ASTN2: variants seen among roughly 807,000 people sequenced by gnomAD.
ASTN2 encodes the protein astrotactin 2, also known as astrotactin-2.
A neutral mutation model predicts 139.8 loss-of-function variants in ASTN2; 54 were observed. That is an observed-to-expected ratio of 0.39 (90% CI 0.31 to 0.48). The LOEUF is 0.48. ASTN2 is among the 20% of genes least tolerant of loss of function. The pLI, the probability that ASTN2 is intolerant of heterozygous loss-of-function variation, is 0.95. For missense variants in ASTN2, 1,565 were observed against 1,725.1 expected, an observed-to-expected ratio of 0.91 and a Z score of 1.64; for synonymous variants, 756 against 719.5, an observed-to-expected ratio of 1.05 and a Z score of -0.81.
At chr9:116,591,094 T>A (rs140022200) in intron 19 of ASTN2, among the ~76,000 whole-genome samples, 1 of 152,036 alleles carries the variant, frequency 6.6e-6, no homozygotes, top group African/African-American at 2.4e-5. Flanking sequence ...ACAAACAGGG[T>A]TGAAAGACAC....
At chr9:116,700,287 C>T (rs932295071) in intron 16 of ASTN2, 1 of 169,560 alleles carries the variant, frequency 5.9e-6, no homozygotes, top group African/African-American at 2.4e-5. Context: ...ATACACAAGC[C>T]CTTTAGGAAG....
At position 116,529,825 on chromosome 9, in the gene ASTN2, C is replaced by T. The variant is rs35053667; in HGVS notation, c.3356-42325G>A. Reference sequence around the variant, plus strand: ...TGTAAGACATGTCCTGCTTCCCCTTCAACTTCCACCATGTTTGTAAGTTTC... The same window carrying T: ...TGTAAGACATGTCCTGCTTCCCCTTTAACTTCCACCATGTTTGTAAGTTTC... On this transcript the variant is annotated intron_variant, in intron 19 of 22. Transcript: ENST00000313400. Among the ~76,000 whole-genome samples the T allele has an allele frequency of 5.3e-3, 807 of 152,162 alleles. 2 individuals carry two copies. Among genetic ancestry groups the T allele is most frequent in the Non-Finnish European group, 9.5e-3 (643 of 68,008 alleles).
chr9:116,678,634 G>T (rs1859647883), intron 16 of ASTN2, among the ~76,000 whole-genome samples: 1 of 152,148 alleles, frequency 6.6e-6, no homozygotes, highest in Non-Finnish European at 1.5e-5. Flanking sequence ...CTTATAAAGG[G>T]TTGATCTTGT....
intron 9 of ASTN2, 41 bp from the exon 10 acceptor site, chr9:116,975,386 C>T (rs1836315923): frequency 1.3e-6 from 2 of 1,539,934 alleles, no homozygotes; most frequent in Non-Finnish European, 1.7e-6. Context: ...CCCTGGGAAG[C>T]AGAGAGCAAA....
intron 1 of ASTN2, among the ~76,000 whole-genome samples, chr9:117,366,258 C>T (rs1829841277): frequency 6.6e-6 from 1 of 152,080 alleles, no homozygotes; most frequent in Non-Finnish European, 1.5e-5. Flanking sequence ...ATGGCAATGA[C>T]AAGCTGACAA....
chr9:116,976,284 C>A, intron 8 of ASTN2, 96 bp from the exon 9 acceptor site: 2 of 933,120 alleles, frequency 2.1e-6, no homozygotes, highest in South Asian at 1.4e-5. Context: ...TACAAACAAC[C>A]AAACTCTGCA....
chr9:116,430,193 C>T (rs951277142), intron 22 of ASTN2, among the ~76,000 whole-genome samples: 1 of 152,154 alleles, frequency 6.6e-6, no homozygotes, highest in African/African-American at 2.4e-5. Context: ...TTCCAACATG[C>T]CCAAATGCCC....
intron 20 of ASTN2, among the ~76,000 whole-genome samples, chr9:116,472,928 GA>G (rs71377245): frequency 2.5e-3 from 330 of 130,794 alleles, no homozygotes; most frequent in African/African-American, 8.6e-3. Context: ...CTCTGTCTTG[GA>G]AAAAAAAAAA....
rs73519264 is a variant in ASTN2, at chr9:117,267,912, G to A, written c.630+23414C>T. ...GAAGTCCTGCTCCTGCAACTCCTCC[G>A]AACCTCCAGCCAGAGCAGACCCACT... On this transcript the variant is annotated intron_variant, in intron 2 of 22. Coordinates refer to ENST00000313400, the MANE Select transcript of ASTN2 (RefSeq NM_001365068.1). Among the ~76,000 whole-genome samples the A allele has an allele frequency of 2.7e-3, 415 of 152,288 alleles. 4 individuals carry two copies. Among genetic ancestry groups the A allele is most frequent in the African/African-American group, 9.5e-3 (395 of 41,554 alleles).
chr9:116,427,235 G>A (rs777666643), intron 22 of ASTN2, among the ~76,000 whole-genome samples: 23 of 152,074 alleles, frequency 1.5e-4, no homozygotes, highest in Admixed American at 3.9e-4. Context: ...CCCTTGCCCC[G>A]GTCGTGAAGT....
At chr9:117,371,144 T>C (rs1449618622) in intron 1 of ASTN2, among the ~76,000 whole-genome samples, 2 of 152,038 alleles carry the variant, frequency 1.3e-5, no homozygotes, top group African/African-American at 4.8e-5. Flanking sequence ...TGGATGTCCC[T>C]ACATTATCAA....
chr9:116,884,347 G>C (rs370049810), intron 10 of ASTN2, among the ~76,000 whole-genome samples: 1 of 152,142 alleles, frequency 6.6e-6, no homozygotes, highest in African/African-American at 2.4e-5. Context: ...GTGATAGTTT[G>C]TTAGGGCTGC....
At chr9:117,200,255 C>G (rs552405160) in intron 3 of ASTN2, among the ~76,000 whole-genome samples, 1 of 147,982 alleles carries the variant, frequency 6.8e-6, no homozygotes, top group Non-Finnish European at 1.5e-5. Context: ...CAACAGTCCC[C>G]GGTGTGTGAT....
intron 5 of ASTN2, among the ~76,000 whole-genome samples, chr9:117,052,430 A>G (rs978688874): frequency 3.4e-5 from 3 of 88,766 alleles, no homozygotes; most frequent in African/African-American, 1.5e-4. Context: ...GAGAGACTCC[A>G]TCTTAAAAAA....
chr9:116,450,462 C>T (rs1317388603), intron 20 of ASTN2, among the ~76,000 whole-genome samples: 1 of 152,174 alleles, frequency 6.6e-6, no homozygotes, highest in Non-Finnish European at 1.5e-5. Context: ...TCCAAGGTCA[C>T]ACAGCTCTCT....
At chr9:116,823,291 G>A (rs1238635286) in intron 11 of ASTN2, among the ~76,000 whole-genome samples, 1 of 152,224 alleles carries the variant, frequency 6.6e-6, no homozygotes, top group Non-Finnish European at 1.5e-5. Flanking sequence ...CAGAGGCAGA[G>A]CTTCTCAGGC....
chr9:117,178,053 C>T (rs960831497), intron 3 of ASTN2, among the ~76,000 whole-genome samples: 1 of 152,150 alleles, frequency 6.6e-6, no homozygotes, highest in Non-Finnish European at 1.5e-5. Context: ...TCCTATTGTC[C>T]CTTGTTGTTG....
chr9:116,559,980 A>G (rs1852824909), intron 19 of ASTN2, among the ~76,000 whole-genome samples: 1 of 152,188 alleles, frequency 6.6e-6, no homozygotes, highest in South Asian at 2.1e-4. Flanking sequence ...AACTGTACAA[A>G]GCAATTTTAA....
At chr9:117,249,499 C>T (rs572282386) in intron 2 of ASTN2, among the ~76,000 whole-genome samples, 3 of 152,216 alleles carry the variant, frequency 2.0e-5, no homozygotes, top group Admixed American at 2.0e-4. Context: ...TGTAGCAGAA[C>T]CCTTTGTTCA....
Sources: gnomAD v4.1 joint callset for allele counts (sites outside exome capture counted in the v4.1 genomes callset) on GRCh38, gnomAD v4.1.1 for gene constraint, MANE v1.5 for transcripts, NCBI Gene and HGNC (gene_info 2026-07-23, HGNC 2026-07-21) for gene names.